The following BCHE variants were observed in gnomAD, a reference collection of about 807,000 sequenced individuals.
BCHE encodes the protein cholinesterase.
BCHE carries 48 observed loss-of-function variants against 51.3 expected under a neutral mutation model. The observed-to-expected ratio is 0.94, with a 90% CI of 0.74 to 1.19. The LOEUF is 1.19. Among genes scored for constraint, BCHE ranks in the 50% most tolerant of loss-of-function variants. The pLI, the probability that BCHE is intolerant of heterozygous loss-of-function variation, is 0.00. For synonymous variants in BCHE, 251 were observed against 238.0 expected (o/e 1.05, Z -0.50); for missense variants, 847 against 708.2 (o/e 1.20, Z -2.23).
At chr3:165,825,743 C>T (rs1276959409) in intron 2 of BCHE, among the ~76,000 whole-genome samples, 4 of 152,022 alleles carry the variant, frequency 2.6e-5, no homozygotes, top group African/African-American at 7.2e-5. Context: ...TGATGTTCCC[C>T]TTCCTGTGTC....
chr3:165,794,287 C>G (rs1713285108), intron 2 of BCHE, among the ~76,000 whole-genome samples: 2 of 152,086 alleles, frequency 1.3e-5, no homozygotes, highest in African/African-American at 4.8e-5. Context: ...TGGTTTTCTA[C>G]AAGCTTCTAA....
chr3:165,827,246 T>C (rs1423222031), intron 2 of BCHE, among the ~76,000 whole-genome samples: 1 of 152,062 alleles, frequency 6.6e-6, no homozygotes, highest in East Asian at 1.9e-4. Flanking sequence ...TATATAATGT[T>C]ATTATCTCTG....
At chr3:165,797,151 TCCTTCCTTCTTCCCTC>T (rs1713415487) in intron 2 of BCHE, among the ~76,000 whole-genome samples, 2 of 116,810 alleles carry the variant, frequency 1.7e-5, no homozygotes, top group African/African-American at 6.4e-5. Context: ...CCTCCTTCCC[TCCTTCCTTCTTCCCTC>T]CCTTCCTTCC....
chr3:165,800,073 A>T lies in BCHE; in HGVS notation c.1518-13762T>A, dbSNP rs1713579393. ...TTATAATCAAAGATTTCTATTCTTA[A>T]ATTATTTCAGGTAACAATTTTCTGG... is the stretch of plus-strand genomic sequence containing the variant. On this transcript the variant is annotated intron_variant, in intron 2 of 3. Transcript: ENST00000264381. Among the ~76,000 whole-genome samples the T allele has an allele frequency of 3.3e-5, 5 of 152,152 alleles. No individual in the cohort carries two copies. The South Asian group carries it at 8.3e-4, about 25-fold the overall frequency.
At chr3:165,780,645 C>G (rs1712658706) in intron 3 of BCHE, among the ~76,000 whole-genome samples, 1 of 151,898 alleles carries the variant, frequency 6.6e-6, no homozygotes, top group Admixed American at 6.6e-5. Context: ...ATGTGGCCAA[C>G]AAATGTATGA....
chr3:165,836,278 T>C (rs1430529354), intron 1 of BCHE, among the ~76,000 whole-genome samples: 1 of 151,966 alleles, frequency 6.6e-6, no homozygotes, highest in Non-Finnish European at 1.5e-5. Flanking sequence ...AGTCACACTT[T>C]AAAAGCTCAC....
intron 2 of BCHE, among the ~76,000 whole-genome samples, chr3:165,800,757 G>C (rs1464016192): frequency 6.6e-6 from 1 of 152,034 alleles, no homozygotes; most frequent in Non-Finnish European, 1.5e-5. Context: ...GAAGCTGTTT[G>C]TTAGTCAATA....
chr3:165,826,909 G>T (rs1714743476), intron 2 of BCHE, among the ~76,000 whole-genome samples: 1 of 152,014 alleles, frequency 6.6e-6, no homozygotes, highest in African/African-American at 2.4e-5. Context: ...CAGCATGCTG[G>T]GCCTTTACCT....
Position 165,830,350 on chromosome 3 carries a change from T to G in BCHE, c.684A>C (p.Gly228=). The G allele has an allele frequency of 6.2e-7, 1 of 1,614,006 alleles. No homozygotes were observed. Among genetic ancestry groups the G allele is most frequent in the Non-Finnish European group, 8.5e-7 (1 of 1,179,948 alleles). ...KSVTLFGESA[G]AASVSLHLLS... ...GCAAATGCAGGCTAACTGAAGCTGC[T>G]CCTGCACTTTCTCCAAAGAGAGTTA... The change falls in exon 2 of 4, where the codon GGA becomes GGC. Residue 228 remains glycine, a synonymous_variant. Coordinates refer to ENST00000264381, the MANE Select transcript of BCHE (RefSeq NM_000055.4).
At chr3:165,777,581 C>A in intron 3 of BCHE, 1 of 237,950 alleles carries the variant, frequency 4.2e-6, no homozygotes, top group Non-Finnish European at 8.8e-6. Flanking sequence ...ATATTAAAAA[C>A]AAGTTTCTCC....
rs374499560 is a variant in BCHE, at chr3:165,786,201, C to T, written c.1628G>A (p.Arg543His). ...TESTRIMTKL[R>H]AQQCRFWTSF... is the part of the protein sequence containing the mutation. ...TGTCCAGAATCGACATTGTTGAGCA[C>T]GTAGTTTCGTCATTATTCTTGTTGA... Residue 543 changes from arginine (R) to histidine (H), a missense_variant, in exon 3 of 4, where the codon CGT (arginine) becomes CAT (histidine). By Grantham distance (29) the Arg-to-His change is conservative (BLOSUM62 0). Transcript: ENST00000264381. The T allele has an allele frequency of 1.9e-5, 31 of 1,612,042 alleles. No individual in the cohort carries two copies. Among genetic ancestry groups the T allele is most frequent in the Admixed American group, 1.5e-4 (9 of 59,880 alleles).
chr3:165,830,840 G>T lies in BCHE; in HGVS notation c.194C>A (p.Pro65His). The T allele has an allele frequency of 6.2e-7, 1 of 1,613,922 alleles. No individual in the cohort carries two copies. Among genetic ancestry groups the T allele is most frequent in the Non-Finnish European group, 8.5e-7 (1 of 1,179,922 alleles). Residue 65 changes from proline to histidine, a missense_variant, in exon 2 of 4, where the codon CCT (proline) becomes CAT (histidine). By Grantham distance (77) the Pro-to-His change is moderately conservative. Coordinates refer to ENST00000264381, the MANE Select transcript of BCHE (RefSeq NM_000055.4). Reference sequence around the variant, plus strand: ...CTTTTTGAATCGAAGTCTACCAAGAGGTGGCTGTGCATAGGGAATTCCAAG... The same window carrying T: ...CTTTTTGAATCGAAGTCTACCAAGATGTGGCTGTGCATAGGGAATTCCAAG... ...AFLGIPYAQPPLGRLRFKKPQ... is the reference protein window; with the variant it reads ...AFLGIPYAQPHLGRLRFKKPQ...
chr3:165,799,298 T>C (rs1713550763), intron 2 of BCHE, among the ~76,000 whole-genome samples: 1 of 152,038 alleles, frequency 6.6e-6, no homozygotes, highest in South Asian at 2.1e-4. Flanking sequence ...TGTATGTTAT[T>C]TTAGTTTAAC....
At chr3:165,821,112 CATTGTG>C (rs2108228531) in intron 2 of BCHE, among the ~76,000 whole-genome samples, 1 of 151,944 alleles carries the variant, frequency 6.6e-6, no homozygotes, top group East Asian at 1.9e-4. Context: ...CACACCTTGT[CATTGTG>C]ATAGTACACT....
intron 2 of BCHE, among the ~76,000 whole-genome samples, chr3:165,804,761 T>A (rs1455456069): frequency 2.0e-5 from 3 of 152,202 alleles, no homozygotes; most frequent in Non-Finnish European, 4.4e-5. Flanking sequence ...GCTAGAGACA[T>A]TAATGCCAGG....
intron 2 of BCHE, among the ~76,000 whole-genome samples, chr3:165,810,542 T>C (rs948225719): frequency 2.0e-5 from 3 of 152,282 alleles, no homozygotes; most frequent in African/African-American, 4.8e-5. Flanking sequence ...ACACTGAGGC[T>C]AGGCTAGGAT....
chr3:165,826,033 G>A (rs1714709254), intron 2 of BCHE, among the ~76,000 whole-genome samples: 1 of 151,948 alleles, frequency 6.6e-6, no homozygotes, highest in African/African-American at 2.4e-5. Context: ...GTGGGGCTCT[G>A]GTACATCACT....
chr3:165,800,317 C>T (rs1713588535), intron 2 of BCHE, among the ~76,000 whole-genome samples: 1 of 152,046 alleles, frequency 6.6e-6, no homozygotes, highest in Non-Finnish European at 1.5e-5. Flanking sequence ...TGGACAAGGT[C>T]ATTCCAATCC....
chr3:165,811,843 G>T (rs1392228584), intron 2 of BCHE, among the ~76,000 whole-genome samples: 1 of 151,896 alleles, frequency 6.6e-6, no homozygotes, highest in African/African-American at 2.4e-5. Flanking sequence ...AGAGTGACAA[G>T]GTAGCTAGGT....
Sources: gnomAD v4.1 joint callset for allele counts (sites outside exome capture counted in the v4.1 genomes callset) on GRCh38, gnomAD v4.1.1 for gene constraint, MANE v1.5 for transcripts, NCBI Gene and HGNC (gene_info 2026-07-23, HGNC 2026-07-21) for gene names.